The following BSCL2 variants were observed in gnomAD, a reference collection of about 807,000 sequenced individuals.
The protein encoded by BSCL2 is seipin.
A neutral mutation model predicts 57.4 loss-of-function variants in BSCL2; 41 were observed. The observed-to-expected ratio is 0.71, with a 90% CI of 0.56 to 0.93. BSCL2 has a LOEUF of 0.93. BSCL2 is among the 40% of genes least tolerant of loss of function. The probability of loss-of-function intolerance (pLI) is 0.00; values close to 1 mark genes in which losing one functional copy is unlikely to be tolerated. For synonymous variants in BSCL2, 237 were observed against 227.3 expected (o/e 1.04, Z -0.38); for missense variants, 539 against 586.7 (o/e 0.92, Z 0.84).
At chr11:62,694,071 C>A (rs1182391472) in intron 4 of BSCL2, among the ~76,000 whole-genome samples, 1 of 152,048 alleles carries the variant, frequency 6.6e-6, no homozygotes, top group Non-Finnish European at 1.5e-5. Context: ...GCCTCGGCCT[C>A]CCAGAGTGTT....
At chr11:62,705,886 A>C in intron 1 of BSCL2, 2 of 481,568 alleles carry the variant, frequency 4.2e-6, no homozygotes, top group Non-Finnish European at 7.4e-6. Flanking sequence ...CTTGATTCTC[A>C]TTCACAGCTA....
chr11:62,693,872 T>C (rs1945375582), intron 4 of BSCL2, among the ~76,000 whole-genome samples: 1 of 152,042 alleles, frequency 6.6e-6, no homozygotes. Flanking sequence ...TGGAATGCAG[T>C]GGCGCGATCT....
At chr11:62,704,571 A>G (rs2134737653) in intron 2 of BSCL2, among the ~76,000 whole-genome samples, 1 of 150,246 alleles carries the variant, frequency 6.7e-6, no homozygotes, top group South Asian at 2.1e-4. Flanking sequence ...AACAAAACAA[A>G]AAAAAACCCA....
At chr11:62,695,803 C>T (rs1159371389) in intron 3 of BSCL2, among the ~76,000 whole-genome samples, 1 of 151,178 alleles carries the variant, frequency 6.6e-6, no homozygotes, top group Non-Finnish European at 1.5e-5. Context: ...CTTGGGGGTG[C>T]TTTCAGTGTT....
At chr11:62,709,323 G>C (rs1384808158), upstream of BSCL2, 1 of 454,006 alleles carries the variant, frequency 2.2e-6, no homozygotes, top group African/African-American at 2.0e-5. Flanking sequence ...GATCAGAGGG[G>C]TCGGGGGATG....
rs1945274691 is a variant in BSCL2, at chr11:62,690,445, G to A, written c.1311C>T (p.Ala437=). 1 of 1,614,158 alleles carries A rather than the reference G, an allele frequency of 6.2e-7. No homozygotes were observed. The highest frequency in any genetic ancestry group is 1.7e-4 in the Middle Eastern group (1 of 6,060). The change falls in exon 11 of 11, where the codon GCC becomes GCT. Residue 437 remains alanine, a synonymous_variant. Coordinates refer to ENST00000360796, the MANE Select transcript of BSCL2 (RefSeq NM_001122955.4). ...AGCTGCCCAGAGTCTCTAGGACAGGGGCAGAAGCAGAAGCAGGAGCAGGAG... is the reference window on the plus strand; with the variant it reads ...AGCTGCCCAGAGTCTCTAGGACAGGAGCAGAAGCAGAAGCAGGAGCAGGAG... ...LPAPAPASAS[A]PVLETLGSSE... is the part of the protein sequence containing the mutation.
At position 62,690,283 on chromosome 11, in the gene BSCL2, C is replaced by T. The variant is rs770191886; in HGVS notation, c.*84G>A. 4 of 1,591,850 alleles carry T rather than the reference C, an allele frequency of 2.5e-6. No homozygotes were observed. Among genetic ancestry groups the T allele is most frequent in the Non-Finnish European group, 3.4e-6 (4 of 1,162,758 alleles). On this transcript the variant is annotated 3_prime_UTR_variant, in exon 11 of 11. Coordinates refer to ENST00000360796, the MANE Select transcript of BSCL2 (RefSeq NM_001122955.4). ...ATTTCAGAGTCAAGGAAGAAGCTGA[C>T]ACAAAATAGTTTATTGAAGGAAAAA... is the stretch of plus-strand genomic sequence containing the variant.
At chr11:62,700,770 T>C (rs573050861) in intron 3 of BSCL2, among the ~76,000 whole-genome samples, 1 of 152,246 alleles carries the variant, frequency 6.6e-6, no homozygotes, top group African/African-American at 2.4e-5. Flanking sequence ...ATGACCAACA[T>C]GGTGAAACCC....
At chr11:62,702,632 TC>T (rs2134730219) in intron 2 of BSCL2, 83 bp from the exon 3 acceptor site, 2 of 1,099,948 alleles carry the variant, frequency 1.8e-6, no homozygotes, top group Non-Finnish European at 2.7e-6. Flanking sequence ...TAGGGCTCCC[TC>T]CTGCCCTCCT....
At chr11:62,696,928 C>A (rs1357164672) in intron 3 of BSCL2, among the ~76,000 whole-genome samples, 1 of 151,824 alleles carries the variant, frequency 6.6e-6, no homozygotes, top group Admixed American at 6.6e-5. Flanking sequence ...GTCCCAGCTG[C>A]TGAGGAGACT....
rs190551361 is a variant in BSCL2, at chr11:62,700,618, G to A, written c.486+1850C>T. 1.3e-3 allele frequency among the ~76,000 whole-genome samples: 203 copies of A among 152,172 alleles called. 2 individuals are homozygous for A. The highest frequency in any genetic ancestry group is 1.3e-4 in the Non-Finnish European group (9 of 68,028). ...ATCGTGCCATTGCACTGTAGCCTGGGCGACAGGAAAGAAACTCCGTCTCAA... is the reference window on the plus strand; with the variant it reads ...ATCGTGCCATTGCACTGTAGCCTGGACGACAGGAAAGAAACTCCGTCTCAA... On this transcript the variant is annotated intron_variant, in intron 3 of 10. Transcript: ENST00000360796.
At chr11:62,694,472 T>C in intron 4 of BSCL2, 96 bp downstream of exon 4, 1 of 1,585,736 alleles carries the variant, frequency 6.3e-7, no homozygotes, top group Non-Finnish European at 8.6e-7. Flanking sequence ...CCCAAACTGC[T>C]GGGATTATAG....
At chr11:62,700,907 C>T (rs146447259) in intron 3 of BSCL2, among the ~76,000 whole-genome samples, 3 of 151,562 alleles carry the variant, frequency 2.0e-5, no homozygotes, top group African/African-American at 7.3e-5. Context: ...GAAGTGAGAT[C>T]GCGCCACTGC....
chr11:62,690,514 G>C lies in BSCL2; in HGVS notation c.1242C>G (p.Gly414=), dbSNP rs1945277080. 8 of 1,614,156 alleles carry C rather than the reference G, an allele frequency of 5.0e-6. No homozygotes were observed. The highest frequency in any genetic ancestry group is 6.8e-6 in the Non-Finnish European group (8 of 1,180,024). The change falls in exon 11 of 11, where the codon GGC becomes GGG. Residue 414 remains glycine, a synonymous_variant. Transcript: ENST00000360796. ...TCAGCAAAGCTGCATCTTCCCAGGA[G>C]CCTGAACCTGGGCCAGGAAAGGGAA... ...ELEPEASDGS[G]SWEDAALLTE...
rs563612473 is a variant in BSCL2 at position 62,692,044 on chromosome 11, C to T, written c.863+332G>A. Reference sequence around the variant, plus strand: ...TCCAGCCTAGGCAACAGAGCAAGACCCCCTCTTAAAAAAAAAAAAAAAAAA... The same window carrying T: ...TCCAGCCTAGGCAACAGAGCAAGACTCCCTCTTAAAAAAAAAAAAAAAAAA... On this transcript the variant is annotated intron_variant, in intron 6 of 10. Coordinates refer to ENST00000360796, the MANE Select transcript of BSCL2 (RefSeq NM_001122955.4). Among the ~76,000 whole-genome samples the T allele has an allele frequency of 1.1e-4, 13 of 116,476 alleles. 1 individual carries two copies. In the South Asian group the frequency reaches 3.8e-3, roughly 34 times the overall value. 76.4% of individuals were successfully genotyped at this position (116,476 alleles called of 152,430 possible).
At chr11:62,709,254 T>TC (rs1210354506), upstream of BSCL2, 3 of 454,306 alleles carry the variant, frequency 6.6e-6, no homozygotes, top group Non-Finnish European at 1.3e-5. Context: ...AAGCAATAGA[T>TC]CTGCCATACC....
At chr11:62,693,739 T>A (rs1945372374) in intron 4 of BSCL2, among the ~76,000 whole-genome samples, 1 of 152,142 alleles carries the variant, frequency 6.6e-6, no homozygotes, top group African/African-American at 2.4e-5. Context: ...CTCTTCACAC[T>A]TAATCCCAAA....
chr11:62,698,225 G>A (rs1945532174), intron 3 of BSCL2, among the ~76,000 whole-genome samples: 1 of 143,106 alleles, frequency 7.0e-6, no homozygotes, highest in South Asian at 2.2e-4. Flanking sequence ...TTGAGATGGA[G>A]TCTTACTCTG....
intron 3 of BSCL2, among the ~76,000 whole-genome samples, chr11:62,700,326 C>T (rs918038248): frequency 6.6e-6 from 1 of 152,052 alleles, no homozygotes; most frequent in Non-Finnish European, 1.5e-5. Context: ...ACATCAGTTT[C>T]CTCCAAAGTA....
Sources: gnomAD v4.1 joint callset for allele counts (sites outside exome capture counted in the v4.1 genomes callset) on GRCh38, gnomAD v4.1.1 for gene constraint, MANE v1.5 for transcripts, NCBI Gene and HGNC (gene_info 2026-07-23, HGNC 2026-07-21) for gene names.